DMXL1: variants seen among roughly 807,000 people sequenced by gnomAD.
DMXL1 encodes dmX-like protein 1.
In DMXL1, 99 loss-of-function variants were observed where a neutral mutation model predicts 319.2. That is an observed-to-expected ratio of 0.31 (90% confidence interval 0.26 to 0.37). The LOEUF (loss-of-function observed/expected upper bound fraction) is 0.37. DMXL1 is among the 10% of genes least tolerant of loss of function. The pLI, the probability that DMXL1 is intolerant of heterozygous loss-of-function variation, is 1.00. For missense variants in DMXL1, 3,745 were observed against 3,595.6 expected, an observed-to-expected ratio of 1.04 and a Z score of -1.06; for synonymous variants, 1,385 against 1,235.2, an observed-to-expected ratio of 1.12 and a Z score of -2.54.
rs1367698066 is a variant in DMXL1, at chr5:119,170,887, A to G, written c.6096A>G (p.Ala2032=). 6 of 1,612,842 alleles carry G rather than the reference A, an allele frequency of 3.7e-6. No individual in the cohort carries two copies. Among genetic ancestry groups the G allele is most frequent in the Non-Finnish European group, 5.1e-6 (6 of 1,179,770 alleles). Residue 2032 remains alanine, a synonymous_variant, in exon 24 of 44, where the codon GCA becomes GCG. Coordinates refer to ENST00000539542, the MANE Select transcript of DMXL1 (RefSeq NM_001290321.3). Reference sequence around the variant, plus strand: ...TTGCAGTTCAGTTAAAATTTAGAGCATGTTTAAAGATTCTCACAGTAGAAC... The same window carrying G: ...TTGCAGTTCAGTTAAAATTTAGAGCGTGTTTAAAGATTCTCACAGTAGAAC... ...DIIAVQLKFR[A]CLKILTVELR...
rs948114726 is a variant in DMXL1 at position 119,077,268 on chromosome 5, A to G, written c.87+5612A>G. ...ATTACAGGTGTGCCCCACTGTGCCCAGTGATTATAGATCTTTTGACAGAAG... is the reference window on the plus strand; with the variant it reads ...ATTACAGGTGTGCCCCACTGTGCCCGGTGATTATAGATCTTTTGACAGAAG... On this transcript the variant is annotated intron_variant, in intron 1 of 43. Transcript: ENST00000539542. Among the ~76,000 whole-genome samples the G allele has an allele frequency of 4.0e-5, 6 of 151,390 alleles. No homozygotes were observed. The South Asian group carries it at 1.2e-3, about 31-fold the overall frequency.
Position 119,244,366 on chromosome 5 carries a change from C to T in DMXL1, c.8712C>T (p.Thr2904=). Residue 2904 remains threonine (T), a synonymous_variant, in exon 43 of 44, where the codon ACC becomes ACT. Transcript: ENST00000539542. ...APANSLVHAF[T]CHDSGATVLA... ...TTTTTAATTTACTTTCAGCATTTACCTGCCATGACAGTGGAGCCACAGTTT... is the reference window on the plus strand; with the variant it reads ...TTTTTAATTTACTTTCAGCATTTACTTGCCATGACAGTGGAGCCACAGTTT... The T allele has an allele frequency of 6.2e-7, 1 of 1,607,806 alleles. No homozygotes were observed. Among genetic ancestry groups the T allele is most frequent in the African/African-American group, 1.3e-5 (1 of 74,644 alleles).
chr5:119,247,341 A>G lies in DMXL1; in HGVS notation c.*122A>G. On this transcript the variant is annotated 3_prime_UTR_variant, in exon 44 of 44. Coordinates refer to ENST00000539542, the MANE Select transcript of DMXL1 (RefSeq NM_001290321.3). ...GCTTTCTTGTTTTTATATTTATTTT[A>G]TGGAGCTTTGCCCTTGATGCACTGA... The G allele has an allele frequency of 1.4e-6, 1 of 739,874 alleles. No homozygotes were observed. The highest frequency in any genetic ancestry group is 2.1e-6 in the Non-Finnish European group (1 of 466,902). The allele number at this position is 739,874 out of a possible 1,614,324, so 45.8% of individuals were successfully genotyped here.
At chr5:119,132,239 A>G (rs1765066653) in intron 10 of DMXL1, among the ~76,000 whole-genome samples, 1 of 152,190 alleles carries the variant, frequency 6.6e-6, no homozygotes, top group Admixed American at 6.5e-5. Flanking sequence ...TTATGTCTAT[A>G]GGCTCTTTAT....
At chr5:119,192,485 G>C (rs1452567988) in intron 29 of DMXL1, among the ~76,000 whole-genome samples, 3 of 152,242 alleles carry the variant, frequency 2.0e-5, no homozygotes, top group East Asian at 3.9e-4. Context: ...TTCAAAACTA[G>C]ACACATTTGC....
At chr5:119,227,537 A>G (rs1190161619) in intron 38 of DMXL1, among the ~76,000 whole-genome samples, 1 of 152,082 alleles carries the variant, frequency 6.6e-6, no homozygotes, top group Non-Finnish European at 1.5e-5. Flanking sequence ...GTCTGCCAGG[A>G]AGTGATAGTC....
At chr5:119,111,328 A>T (rs978729963) in intron 5 of DMXL1, among the ~76,000 whole-genome samples, 7 of 152,230 alleles carry the variant, frequency 4.6e-5, no homozygotes, top group African/African-American at 7.2e-5. Context: ...GTCCAAATTG[A>T]GATGTGCTGG....
intron 28 of DMXL1, among the ~76,000 whole-genome samples, chr5:119,180,805 T>C (rs1185348601): frequency 1.3e-5 from 2 of 152,194 alleles, no homozygotes; most frequent in East Asian, 1.9e-4. Context: ...TAATTTTAAA[T>C]TAAAAATTGG....
rs1252282734 is a variant in DMXL1 at position 119,124,574 on chromosome 5, T to C, written c.1102+3435T>C. Among the ~76,000 whole-genome samples, 3 of 147,678 alleles carry C rather than the reference T, an allele frequency of 2.0e-5. No individual in the cohort carries two copies. In the East Asian group the frequency reaches 6.0e-4, roughly 30 times the overall value. ...CATTATGGTGATGACTTTTTTTTTTTTTTTTTTTTTGAGACAGAGTCTTGC... is the reference window on the plus strand; with the variant it reads ...CATTATGGTGATGACTTTTTTTTTTCTTTTTTTTTTGAGACAGAGTCTTGC... On this transcript the variant is annotated intron_variant, in intron 9 of 43. Coordinates refer to ENST00000539542, the MANE Select transcript of DMXL1 (RefSeq NM_001290321.3).
intron 15 of DMXL1, among the ~76,000 whole-genome samples, chr5:119,145,569 A>G (rs1768342794): frequency 1.3e-5 from 2 of 151,886 alleles, no homozygotes; most frequent in East Asian, 3.9e-4. Context: ...TAAAATATTA[A>G]TGAACATGTT....
In DMXL1 at chr5:119,144,644, G is replaced by T. The variant is rs1768125739; in HGVS notation, c.2569+6G>T. On this transcript the variant is annotated splice_donor_region_variant and intron_variant, in intron 15 of 43. Transcript: ENST00000539542. The stretch of plus-strand genomic sequence containing the variant: ...CAGCATTTTATCTAATGCAGGTAAG[G>T]AAGAATTATTTATGGAATGAGAAAT... 3.2e-6 allele frequency: 5 copies of T among 1,542,916 alleles called. 1 individual carries two copies. The highest frequency in any genetic ancestry group is 4.4e-6 in the Non-Finnish European group (5 of 1,133,504).
At chr5:119,079,496 A>G (rs1374718518) in intron 1 of DMXL1, among the ~76,000 whole-genome samples, 1 of 152,212 alleles carries the variant, frequency 6.6e-6, no homozygotes, top group Non-Finnish European at 1.5e-5. Context: ...CTTTGCTGCC[A>G]CATCCCTCTT....
chr5:119,112,600 C>T (rs1179210241), intron 5 of DMXL1, among the ~76,000 whole-genome samples: 7 of 152,032 alleles, frequency 4.6e-5, no homozygotes, highest in Non-Finnish European at 8.8e-5. Context: ...ATTTTGCACC[C>T]CTCAGATAGG....
Position 119,089,999 on chromosome 5 carries a change from C to CTTTTTTTTTTTTTTTTTTTTTTTTTTT in DMXL1, c.88-7968_88-7942dup, listed in dbSNP as rs70982467. On this transcript the variant is annotated intron_variant, in intron 1 of 43. Transcript: ENST00000539542. ...TGATTATTTTATGCTTCGGGTTAGT[C>CTTTTTTTTTTTTTTTTTTTTTTTTTTT]TTTTTTTTTTTTTTTTTTTTTTTTT... Among the ~76,000 whole-genome samples the CTTTTTTTTTTTTTTTTTTTTTTTTTTT allele has an allele frequency of 2.3e-4, 8 of 34,402 alleles. 3 individuals are homozygous for CTTTTTTTTTTTTTTTTTTTTTTTTTTT. Among genetic ancestry groups the CTTTTTTTTTTTTTTTTTTTTTTTTTTT allele is most frequent in the Admixed American group, 9.1e-4 (2 of 2,188 alleles). The allele number at this position is 34,402 out of a possible 152,430, so 22.6% of individuals were successfully genotyped here.
Position 119,134,051 on chromosome 5 carries a change from G to C in DMXL1, c.2127G>C (p.Arg709Ser). 1.2e-6 allele frequency: 2 copies of C among 1,614,176 alleles called. No individual in the cohort carries two copies. Among genetic ancestry groups the C allele is most frequent in the South Asian group, 1.1e-5 (1 of 91,074 alleles). ...TTTACAGTGAGCTTATTCTGTGGAG[G>C]GTTGACCCAGTTGGGCCATTGTCTT... is the stretch of plus-strand genomic sequence containing the variant. Reference protein sequence around the residue: ...SAVYSELILWRVDPVGPLSFS... With the variant: ...SAVYSELILWSVDPVGPLSFS... Residue 709 changes from arginine (R) to serine (S), a missense_variant, in exon 12 of 44, where the codon AGG (arginine) becomes AGC (serine). By Grantham distance (110) the Arg-to-Ser change is moderately radical (BLOSUM62 -1). Around this residue, in one of 4 missense-constraint regions of DMXL1, gnomAD observed 2,096 missense variants for 1,985.4 expected, o/e 1.06. Coordinates refer to ENST00000539542, the MANE Select transcript of DMXL1 (RefSeq NM_001290321.3).
At chr5:119,096,251 G>GCTGCAATCTCCACCTCC (rs897407069) in intron 1 of DMXL1, among the ~76,000 whole-genome samples, 2 of 149,570 alleles carry the variant, frequency 1.3e-5, no homozygotes, top group African/African-American at 4.9e-5. Context: ...ATCTCAGCTT[G>GCTGCAATCTCCACCTCC]CTGCAATCTC....
chr5:119,101,616 A>G (rs1158193541), intron 2 of DMXL1, among the ~76,000 whole-genome samples: 3 of 152,334 alleles, frequency 2.0e-5, no homozygotes, highest in African/African-American at 4.8e-5. Context: ...TGCATATTGT[A>G]TGTCACTTAT....
chr5:119,177,029 G>A (rs562836857), intron 26 of DMXL1, among the ~76,000 whole-genome samples: 51 of 152,196 alleles, frequency 3.4e-4, no homozygotes, highest in Non-Finnish European at 6.8e-4. Context: ...CATTATACAT[G>A]AAAGTGAGCC....
At chr5:119,242,088 GATAAA>G (rs1356475646) in intron 42 of DMXL1, among the ~76,000 whole-genome samples, 4 of 152,160 alleles carry the variant, frequency 2.6e-5, no homozygotes, top group Admixed American at 1.3e-4. Context: ...GGTAGTAAAT[GATAAA>G]ATAGACTAGT....
Sources: gnomAD v4.1 joint callset for allele counts (sites outside exome capture counted in the v4.1 genomes callset) on GRCh38, gnomAD v4.1.1 for gene constraint, gnomAD v4.1.1 regional missense constraint, MANE v1.5 for transcripts, NCBI Gene and HGNC (gene_info 2026-07-23, HGNC 2026-07-21) for gene names.